DNM3: variants seen among roughly 807,000 people sequenced by gnomAD.
DNM3 encodes the protein dynamin 3, also known as dynamin-3.
DNM3 carries 47 observed loss-of-function variants against 101.6 expected under a neutral mutation model. The observed-to-expected ratio is 0.46, with a 90% CI of 0.37 to 0.59. The LOEUF is 0.59. Among genes scored for constraint, DNM3 ranks in the 20% least tolerant of loss-of-function variants. The probability of loss-of-function intolerance (pLI) is 0.00; values close to 1 mark genes in which losing one functional copy is unlikely to be tolerated. For missense variants in DNM3, 849 were observed against 1,085.7 expected (o/e 0.78, Z 3.06); for synonymous variants, 385 against 387.9 (o/e 0.99, Z 0.09).
intron 13 of DNM3, among the ~76,000 whole-genome samples, chr1:172,107,536 A>G (rs887839730): frequency 5.9e-5 from 9 of 152,190 alleles, no homozygotes; most frequent in Admixed American, 4.6e-4. Flanking sequence ...CAATTTAGCC[A>G]TTTAAGGGTT....
chr1:171,881,398 TATG>T (rs1380614029), intron 1 of DNM3, among the ~76,000 whole-genome samples: 2 of 152,238 alleles, frequency 1.3e-5, no homozygotes, highest in Non-Finnish European at 2.9e-5. Flanking sequence ...ATGGGCAATG[TATG>T]ATGCTATTTA....
chr1:172,117,069 G>A (rs1351320316), intron 13 of DNM3, among the ~76,000 whole-genome samples: 1 of 152,064 alleles, frequency 6.6e-6, no homozygotes, highest in African/African-American at 2.4e-5. Context: ...GCCAGGCATG[G>A]TGGTGCATGC....
At chr1:172,359,743 C>G (rs2067646658) in intron 17 of DNM3, among the ~76,000 whole-genome samples, 1 of 151,888 alleles carries the variant, frequency 6.6e-6, no homozygotes, top group African/African-American at 2.4e-5. Context: ...CTGCACGTTT[C>G]TTATGACTGG....
At position 172,239,798 on chromosome 1, in the gene DNM3, C is replaced by CTTTTTTTTTTTTTTT. The variant is rs369238528; in HGVS notation, c.1660-13774_1660-13773insTTTTTTTTTTTTTTT. Reference sequence around the variant, plus strand: ...TTTCTCCAGCCCTGTCTTTTTTTTTCTCTTTTTTTTTTTTTTTTTTTTGTA... The same window carrying CTTTTTTTTTTTTTTT: ...TTTCTCCAGCCCTGTCTTTTTTTTTCTTTTTTTTTTTTTTTTCTTTTTTTTTTTTTTTTTTTTGTA... On this transcript the variant is annotated intron_variant, in intron 14 of 20. Transcript: ENST00000627582. Among the ~76,000 whole-genome samples, 280 of 106,840 alleles carry CTTTTTTTTTTTTTTT rather than the reference C, an allele frequency of 2.6e-3. 22 individuals are homozygous for CTTTTTTTTTTTTTTT. Among genetic ancestry groups the CTTTTTTTTTTTTTTT allele is most frequent in the African/African-American group, 7.3e-3 (206 of 28,150 alleles). 70.1% of individuals were successfully genotyped at this position (106,840 alleles called of 152,430 possible). A position where few individuals can be genotyped will look rare whatever the true frequency, so the allele number is the denominator to read the frequency against.
chr1:171,943,489 A>G (rs2041954339), intron 2 of DNM3, among the ~76,000 whole-genome samples: 1 of 152,242 alleles, frequency 6.6e-6, no homozygotes. Context: ...CTTCATCTAC[A>G]TGATAAAACC....
chr1:172,387,472 A>T, intron 19 of DNM3, 113 bp downstream of exon 19: 1 of 854,092 alleles, frequency 1.2e-6, no homozygotes, highest in Non-Finnish European at 1.8e-6. Context: ...CCTGGCGAAC[A>T]TAGTGAAACC....
intron 1 of DNM3, among the ~76,000 whole-genome samples, chr1:171,893,908 A>G (rs895032478): frequency 3.3e-5 from 5 of 152,174 alleles, no homozygotes; most frequent in African/African-American, 4.8e-5. Flanking sequence ...TCTTAACTAC[A>G]TAGTTATATA....
intron 14 of DNM3, among the ~76,000 whole-genome samples, chr1:172,134,381 C>A (rs1351367654): frequency 1.3e-5 from 2 of 152,074 alleles, no homozygotes; most frequent in Non-Finnish European, 2.9e-5. Flanking sequence ...CAATGATGAT[C>A]TTAATGAGGA....
chr1:172,314,964 C>G (rs562684423), intron 16 of DNM3, among the ~76,000 whole-genome samples: 1 of 152,136 alleles, frequency 6.6e-6, no homozygotes, highest in Non-Finnish European at 1.5e-5. Context: ...CCCTGACTCC[C>G]GAGCAGCCTA....
chr1:172,334,843 C>T (rs911394073), intron 17 of DNM3, among the ~76,000 whole-genome samples: 3 of 151,996 alleles, frequency 2.0e-5, no homozygotes, highest in Non-Finnish European at 4.4e-5. Context: ...TTTTTGTGAA[C>T]ATATGTCTTT....
chr1:172,296,672 G>A (rs551265276), intron 15 of DNM3, among the ~76,000 whole-genome samples: 27 of 152,130 alleles, frequency 1.8e-4, no homozygotes, highest in East Asian at 5.8e-4. Flanking sequence ...GGTTTGTTTC[G>A]TGCTATTCAA....
In DNM3 at chr1:171,886,764, A is replaced by G. The variant is rs185345558; in HGVS notation, c.162-34984A>G. ...TAGGTTAAGAAGTCATTAGTAGTGA[A>G]CAAGTGTCTAGTAATTTCATTTATA... On this transcript the variant is annotated intron_variant, in intron 1 of 20. Coordinates refer to ENST00000627582, the MANE Select transcript of DNM3 (RefSeq NM_015569.5). 2.6e-5 allele frequency among the ~76,000 whole-genome samples: 4 copies of G among 152,326 alleles called. No individual in the cohort carries two copies. In the East Asian group the frequency reaches 7.7e-4, roughly 29 times the overall value.
chr1:172,308,976 G>A (rs376139000), intron 16 of DNM3, 137 bp downstream of exon 16: 25 of 441,876 alleles, frequency 5.7e-5, no homozygotes, highest in African/African-American at 8.2e-5. Context: ...CTGATACTTC[G>A]CTTACTCTTT....
rs1477669442 is a variant in DNM3 at position 172,410,866 on chromosome 1, A to G, written c.*3025A>G. 1.4e-5 allele frequency: 14 copies of G among 985,172 alleles called. No individual in the cohort carries two copies. In the Admixed American group the frequency reaches 5.5e-4, roughly 39 times the overall value. The allele number at this position is 985,172 out of a possible 1,614,324, so 61.0% of individuals were successfully genotyped here. Reference sequence around the variant, plus strand: ...AGTATAGACTGTAGCCATAATTCTCAAATATGAAATGGGACCTAATACCAG... The same window carrying G: ...AGTATAGACTGTAGCCATAATTCTCGAATATGAAATGGGACCTAATACCAG... On this transcript the variant is annotated 3_prime_UTR_variant, in exon 21 of 21. Transcript: ENST00000627582.
intron 15 of DNM3, among the ~76,000 whole-genome samples, chr1:172,292,742 C>T (rs1265177458): frequency 6.6e-6 from 1 of 152,100 alleles, no homozygotes. Flanking sequence ...AAATGTTTAT[C>T]AAGTCATGGT....
At chr1:171,963,393 T>C (rs113772425) in intron 2 of DNM3, among the ~76,000 whole-genome samples, 8 of 152,196 alleles carry the variant, frequency 5.3e-5, no homozygotes, top group African/African-American at 1.9e-4. Context: ...GATGAATAGG[T>C]GGATCTCAGA....
At chr1:171,935,114 T>C (rs192092065) in intron 2 of DNM3, among the ~76,000 whole-genome samples, 10 of 152,172 alleles carry the variant, frequency 6.6e-5, no homozygotes, top group African/African-American at 2.4e-4. Flanking sequence ...GCAGAATATA[T>C]TGTATATTTT....
intron 14 of DNM3, among the ~76,000 whole-genome samples, chr1:172,182,163 A>T (rs1277162517): frequency 6.6e-6 from 1 of 151,900 alleles, no homozygotes; most frequent in African/African-American, 2.4e-5. Context: ...AGAGGAAAAA[A>T]ATGTGACAAC....
chr1:172,418,175 G>A, intron 20 of DNM3: 1 of 896,076 alleles, frequency 1.1e-6, no homozygotes, highest in South Asian at 1.6e-5. Context: ...AGCTATTTTT[G>A]CATGCTATTA....
Sources: allele counts gnomAD v4.1 joint callset (sites outside exome capture counted in the v4.1 genomes callset), GRCh38; gene constraint gnomAD v4.1.1; transcripts MANE v1.5; gene names NCBI Gene and HGNC (gene_info 2026-07-23, HGNC 2026-07-21).